CTNNA3: variants seen among roughly 807,000 people sequenced by gnomAD.
The protein encoded by CTNNA3 is catenin alpha-3.
CTNNA3 carries 76 observed loss-of-function variants against 95.7 expected under a neutral mutation model. The ratio of observed to expected loss-of-function variants is 0.79; its 90% CI spans 0.66 to 0.96. CTNNA3 has a LOEUF of 0.96. Among genes scored for constraint, CTNNA3 ranks in the 40% least tolerant of loss-of-function variants. The pLI, the probability that CTNNA3 is intolerant of heterozygous loss-of-function variation, is 0.00. For synonymous variants in CTNNA3, 431 were observed against 374.4 expected (o/e 1.15, Z -1.74); for missense variants, 1,191 against 1,089.8 (o/e 1.09, Z -1.31).
At chr10:66,416,261 C>A (rs1003341958) in intron 11 of CTNNA3, among the ~76,000 whole-genome samples, 1 of 130,996 alleles carries the variant, frequency 7.6e-6, no homozygotes, top group Non-Finnish European at 1.6e-5. Flanking sequence ...AACCCTCAGA[C>A]ACATTTTTTA....
chr10:67,319,378 CA>C (rs1589161472), intron 5 of CTNNA3, among the ~76,000 whole-genome samples: 1 of 152,098 alleles, frequency 6.6e-6, no homozygotes, highest in Non-Finnish European at 1.5e-5. Flanking sequence ...TCATAGGGAC[CA>C]GGGGTAATCT....
intron 12 of CTNNA3, among the ~76,000 whole-genome samples, chr10:66,291,868 G>A (rs2091687424): frequency 6.6e-6 from 1 of 150,966 alleles, no homozygotes; most frequent in South Asian, 2.1e-4. Flanking sequence ...ATATATGTGT[G>A]TCTATATATG....
chr10:67,072,163 A>G (rs1271638672), intron 7 of CTNNA3, among the ~76,000 whole-genome samples: 1 of 152,146 alleles, frequency 6.6e-6, no homozygotes, highest in Non-Finnish European at 1.5e-5. Flanking sequence ...TATGTTGGTC[A>G]GGCTGGTCTC....
intron 7 of CTNNA3, among the ~76,000 whole-genome samples, chr10:67,084,440 A>G (rs1857200709): frequency 6.6e-6 from 1 of 151,972 alleles, no homozygotes; most frequent in African/African-American, 2.4e-5. Flanking sequence ...GAAGTGGAGA[A>G]CCAAATATTA....
chr10:67,385,536 T>C (rs1337711905), intron 5 of CTNNA3, among the ~76,000 whole-genome samples: 1 of 152,226 alleles, frequency 6.6e-6, no homozygotes, highest in Non-Finnish European at 1.5e-5. Context: ...TCTAATAGAA[T>C]AAAGTTTGCA....
At chr10:66,365,775 TC>T (rs1299360402) in intron 12 of CTNNA3, among the ~76,000 whole-genome samples, 8 of 129,068 alleles carry the variant, frequency 6.2e-5, no homozygotes, top group Non-Finnish European at 9.3e-5. Context: ...TCTCTCTCTC[TC>T]TCTCTCATCT....
intron 5 of CTNNA3, among the ~76,000 whole-genome samples, chr10:67,388,533 A>C (rs1407285747): frequency 3.6e-5 from 5 of 139,702 alleles, no homozygotes; most frequent in Admixed American, 7.3e-5. Flanking sequence ...AGGCAGGCCA[A>C]CGTTCAGATT....
At chr10:66,368,856 G>A (rs10762068) in intron 12 of CTNNA3, among the ~76,000 whole-genome samples, 69,790 of 152,036 alleles carry the variant, frequency 0.46, 18,478 homozygotes, top group Non-Finnish European at 0.59. Context: ...CATGTGGTAA[G>A]GGAATTTGTA....
intron 17 of CTNNA3, among the ~76,000 whole-genome samples, chr10:65,925,418 A>G (rs1448640500): frequency 3.3e-5 from 5 of 151,990 alleles, no homozygotes; most frequent in Non-Finnish European, 7.4e-5. Flanking sequence ...TGCACATTTA[A>G]TAACTTCTTT....
At chr10:66,688,469 C>T (rs187815042) in intron 9 of CTNNA3, among the ~76,000 whole-genome samples, 39 of 152,186 alleles carry the variant, frequency 2.6e-4, no homozygotes, top group East Asian at 2.3e-3. Flanking sequence ...CCAACATTCC[C>T]GTAACTAGTC....
chr10:65,977,326 G>GAA (rs1554824018), intron 16 of CTNNA3, among the ~76,000 whole-genome samples: 6 of 151,934 alleles, frequency 3.9e-5, no homozygotes, highest in Non-Finnish European at 8.8e-5. Context: ...AGCCAATATG[G>GAA]AATACATCAT....
At chr10:66,798,917 G>T (rs1292673775) in intron 7 of CTNNA3, among the ~76,000 whole-genome samples, 1 of 151,648 alleles carries the variant, frequency 6.6e-6, no homozygotes, top group Non-Finnish European at 1.5e-5. Context: ...ACTGAAGGGT[G>T]ATTCGGCCAG....
intron 13 of CTNNA3, among the ~76,000 whole-genome samples, chr10:66,164,522 T>C (rs2085022507): frequency 6.6e-6 from 1 of 152,058 alleles, no homozygotes; most frequent in Non-Finnish European, 1.5e-5. Context: ...GACACTGTTT[T>C]TTTTTTTTTT....
chr10:67,006,886 C>T (rs144562761), intron 7 of CTNNA3, among the ~76,000 whole-genome samples: 7 of 152,116 alleles, frequency 4.6e-5, no homozygotes, highest in South Asian at 2.1e-4. Context: ...CTCTACTTCC[C>T]GGGTTCAAGG....
chr10:66,528,125 T>C (rs146334406), intron 10 of CTNNA3, among the ~76,000 whole-genome samples: 4 of 152,224 alleles, frequency 2.6e-5, no homozygotes, highest in African/African-American at 9.6e-5. Flanking sequence ...AGGGCTGTGT[T>C]TGATCCTCAT....
intron 7 of CTNNA3, among the ~76,000 whole-genome samples, chr10:66,791,640 A>G (rs1056857499): frequency 6.6e-6 from 1 of 152,234 alleles, no homozygotes; most frequent in Non-Finnish European, 1.5e-5. Flanking sequence ...AGCAGGGAAG[A>G]GGAATAAATC....
intron 10 of CTNNA3, among the ~76,000 whole-genome samples, chr10:66,525,619 A>G (rs555910236): frequency 9.2e-5 from 14 of 152,240 alleles, no homozygotes; most frequent in African/African-American, 3.1e-4. Context: ...AGAAAAACAA[A>G]AGAGAGAGAG....
intron 13 of CTNNA3, among the ~76,000 whole-genome samples, chr10:66,189,393 G>A (rs2086530204): frequency 6.6e-6 from 1 of 151,228 alleles, no homozygotes; most frequent in African/African-American, 2.4e-5. Context: ...TTGATTTTGT[G>A]TATAGTATGA....
At chr10:67,119,212 G>C (rs1589760011) in intron 7 of CTNNA3, among the ~76,000 whole-genome samples, 1 of 151,842 alleles carries the variant, frequency 6.6e-6, no homozygotes, top group South Asian at 2.1e-4. Context: ...GGAAGATTTG[G>C]TAAAGCATCT....
Sources: allele counts gnomAD v4.1 joint callset (sites outside exome capture counted in the v4.1 genomes callset), GRCh38; gene constraint gnomAD v4.1.1; transcripts MANE v1.5; gene names NCBI Gene and HGNC (gene_info 2026-07-23, HGNC 2026-07-21).